HPSE: variants seen among roughly 807,000 people sequenced by gnomAD.
HPSE encodes the protein heparanase.
A neutral mutation model predicts 65.1 loss-of-function variants in HPSE; 48 were observed. That is an observed-to-expected ratio of 0.74 (90% CI 0.58 to 0.94). HPSE has a LOEUF of 0.94. Ranked by LOEUF, HPSE falls within the 40% of genes least tolerant of loss-of-function variation. The pLI, the probability that HPSE is intolerant of heterozygous loss-of-function variation, is 0.00. For missense variants in HPSE, 644 were observed against 637.5 expected (o/e 1.01, Z -0.11); for synonymous variants, 243 against 260.0 (o/e 0.93, Z 0.63).
intron 3 of HPSE, 60 bp downstream of exon 3, chr4:83,319,284 T>A (rs745352670): frequency 6.4e-7 from 1 of 1,563,620 alleles, no homozygotes; most frequent in South Asian, 1.1e-5. Context: ...GGTGCCCGAG[T>A]CCAACCTATT....
At chr4:83,327,574 C>T (rs1475564324) in intron 1 of HPSE, among the ~76,000 whole-genome samples, 29 of 152,148 alleles carry the variant, frequency 1.9e-4, no homozygotes. Context: ...TTCAGCTATT[C>T]TATTTCTAGA....
chr4:83,316,337 TA>T (rs777780611), intron 3 of HPSE, among the ~76,000 whole-genome samples: 2,070 of 50,068 alleles, frequency 0.041, 55 homozygotes, highest in African/African-American at 0.11. Context: ...ACATCTACTT[TA>T]AAAAAAAAAA....
In HPSE at chr4:83,295,422, T is replaced by C. The variant is rs759407538; in HGVS notation, c.1554A>G (p.Pro518=). ...LPPLMEKPLR[P]GSSLGLPAFS... ...AAGCTGGCAAGCCCAGTGAACTTCC[T>C]GGCCGGAGAGGTTTTTCCATTAAAG... The change falls in exon 12 of 12, where the codon CCA becomes CCG. Residue 518 remains proline, a synonymous_variant. Transcript: ENST00000311412. The C allele has an allele frequency of 1.9e-5, 31 of 1,613,758 alleles. No individual in the cohort carries two copies. Among genetic ancestry groups the C allele is most frequent in the Non-Finnish European group, 2.5e-5 (30 of 1,179,734 alleles).
chr4:83,302,399 G>A, intron 9 of HPSE, 131 bp from the exon 10 acceptor site: 1 of 602,296 alleles, frequency 1.7e-6, no homozygotes, highest in Non-Finnish European at 2.9e-6. Flanking sequence ...ATTTAAATAG[G>A]ATTCATCTTT....
intron 1 of HPSE, among the ~76,000 whole-genome samples, chr4:83,325,290 C>G (rs1224906431): frequency 1.3e-5 from 2 of 151,896 alleles, no homozygotes; most frequent in African/African-American, 4.8e-5. Context: ...CTCAGCCTCC[C>G]TAGTAGCTGG....
rs1288892794 is a variant in HPSE, at chr4:83,319,342, A to G, written c.499+2T>C. 6 of 1,613,116 alleles carry G rather than the reference A, an allele frequency of 3.7e-6. No homozygotes were observed. The highest frequency in any genetic ancestry group is 5.1e-6 in the Non-Finnish European group (6 of 1,179,622). Reference sequence around the variant, plus strand: ...ATCTCTAGGGTGCCTTTCATTTCTTACTTGAGTAGGTGCTGTTCTTGAACT... The same window carrying G: ...ATCTCTAGGGTGCCTTTCATTTCTTGCTTGAGTAGGTGCTGTTCTTGAACT... On this transcript the variant is annotated splice_donor_variant, in intron 3 of 11. Transcript: ENST00000311412. LOFTEE classifies it high-confidence loss of function.
At chr4:83,300,903 C>T in intron 11 of HPSE, 57 bp downstream of exon 11, 1 of 1,168,602 alleles carries the variant, frequency 8.6e-7, no homozygotes, top group Non-Finnish European at 1.2e-6. Context: ...ACTCTCTATT[C>T]TGATAAACAC....
chr4:83,334,423 G>T, intron 1 of HPSE, 133 bp downstream of exon 1: 2 of 988,372 alleles, frequency 2.0e-6, no homozygotes, highest in South Asian at 3.4e-5. Flanking sequence ...GGCGGGAAGT[G>T]GGGTGGGGAG....
chr4:83,310,520 A>C (rs6852183), intron 5 of HPSE, among the ~76,000 whole-genome samples: 3,064 of 152,130 alleles, frequency 0.02, 113 homozygotes, highest in African/African-American at 0.069. Flanking sequence ...AAATTTTTTT[A>C]AAGTAGCCAG....
intron 10 of HPSE, among the ~76,000 whole-genome samples, chr4:83,301,607 C>T (rs77292148): frequency 0.023 from 3,497 of 152,220 alleles, 132 homozygotes; most frequent in African/African-American, 0.077. Context: ...TACTGGGGTC[C>T]TCACTATCCA....
intron 8 of HPSE, among the ~76,000 whole-genome samples, chr4:83,307,492 A>G (rs764228500): frequency 6.6e-6 from 1 of 152,210 alleles, no homozygotes; most frequent in Non-Finnish European, 1.5e-5. Context: ...ACCATGCTAG[A>G]GGTATCCCTT....
Position 83,309,515 on chromosome 4 carries a change from T to A in HPSE, c.891-20A>T, listed in dbSNP as rs1473997247. On this transcript the variant is annotated intron_variant, in intron 6 of 11. Coordinates refer to ENST00000311412, the MANE Select transcript of HPSE (RefSeq NM_001098540.3). ...TAGTAGCTAAATTACACAGAAAATA[T>A]TCAGAAAAAAAATAACAAATTTTAC... 7.8e-7 allele frequency: 1 copy of A among 1,288,006 alleles called. No individual in the cohort carries two copies. The highest frequency in any genetic ancestry group is 1.9e-5 in the Admixed American group (1 of 51,714). 79.8% of individuals were successfully genotyped at this position (1,288,006 alleles called of 1,614,324 possible). A position where few individuals can be genotyped will look rare whatever the true frequency, so the allele number is the denominator to read the frequency against.
At chr4:83,327,701 CGTT>C (rs1328315501) in intron 1 of HPSE, among the ~76,000 whole-genome samples, 17 of 152,286 alleles carry the variant, frequency 1.1e-4, no homozygotes, top group African/African-American at 4.1e-4. Context: ...GGCTGTACCA[CGTT>C]GTTGGCCTGT....
intron 2 of HPSE, among the ~76,000 whole-genome samples, chr4:83,320,474 G>C (rs1221386615): frequency 6.6e-6 from 1 of 152,028 alleles, no homozygotes; most frequent in Non-Finnish European, 1.5e-5. Context: ...ACCGAGGTGG[G>C]AGGATGCCTT....
chr4:83,328,257 C>T (rs550272992), intron 1 of HPSE, among the ~76,000 whole-genome samples: 6 of 152,186 alleles, frequency 3.9e-5, no homozygotes, highest in Non-Finnish European at 7.3e-5. Flanking sequence ...CCTCTCTAGG[C>T]GCAGGAAAGG....
At chr4:83,311,402 G>T (rs150769685) in intron 4 of HPSE, among the ~76,000 whole-genome samples, 5 of 152,160 alleles carry the variant, frequency 3.3e-5, no homozygotes, top group African/African-American at 1.2e-4. Context: ...TGAGATATGA[G>T]GGTCTATTAA....
intron 11 of HPSE, 82 bp from the exon 12 acceptor site, chr4:83,295,585 T>C (rs1735694961): frequency 2.5e-6 from 3 of 1,217,142 alleles, no homozygotes; most frequent in Non-Finnish European, 3.4e-6. Flanking sequence ...AAATCTTTTT[T>C]AGACCAAATA....
rs2126194484 is a variant in HPSE, at chr4:83,321,565, G to A, written c.373+654C>T. 2.6e-5 allele frequency among the ~76,000 whole-genome samples: 4 copies of A among 152,242 alleles called. 1 individual carries two copies. The East Asian group carries it at 7.7e-4, about 29-fold the overall frequency. On this transcript the variant is annotated intron_variant, in intron 2 of 11. Transcript: ENST00000311412. ...GGGCTCAAGTGATCCTCCTGCCTCA[G>A]CCTCCCAAAGTGTTGGGATTACAGG...
chr4:83,331,478 C>T (rs1232900073), intron 1 of HPSE, among the ~76,000 whole-genome samples: 1 of 152,046 alleles, frequency 6.6e-6, no homozygotes, highest in Non-Finnish European at 1.5e-5. Flanking sequence ...TATTATATTT[C>T]CATTGGACAG....
Sources: allele counts gnomAD v4.1 joint callset (sites outside exome capture counted in the v4.1 genomes callset), GRCh38; gene constraint gnomAD v4.1.1; transcripts MANE v1.5; gene names NCBI Gene and HGNC (gene_info 2026-07-23, HGNC 2026-07-21).